CCNB2: variants seen among roughly 807,000 people sequenced by gnomAD.
CCNB2 encodes the protein G2/mitotic-specific cyclin-B2.
A neutral mutation model predicts 51.1 loss-of-function variants in CCNB2; 39 were observed. That is an observed-to-expected ratio of 0.76 (90% CI 0.59 to 1.00). The LOEUF (loss-of-function observed/expected upper bound fraction) is 1.00. Among genes scored for constraint, CCNB2 ranks in the 50% least tolerant of loss-of-function variants. The pLI is 0.00. For synonymous variants in CCNB2, 174 were observed against 165.5 expected, an observed-to-expected ratio of 1.05 and a Z score of -0.40; for missense variants, 472 against 470.3, an observed-to-expected ratio of 1.00 and a Z score of -0.03.
rs11293095 is a variant in CCNB2, at chr15:59,107,302, CTT to C, written c.25-5_25-4del. 0.013 allele frequency: 17,803 copies of C among 1,363,556 alleles called. No individual in the cohort carries two copies. Among genetic ancestry groups the C allele is most frequent in the Admixed American group, 0.027 (1,122 of 41,102 alleles). The allele number at this position is 1,363,556 out of a possible 1,614,324, so 84.5% of individuals were successfully genotyped here. A position where few individuals can be genotyped will look rare whatever the true frequency, so the allele number is the denominator to read the frequency against. On this transcript the variant is annotated intron_variant, in intron 1 of 8. Coordinates refer to ENST00000288207, the MANE Select transcript of CCNB2 (RefSeq NM_004701.4). The stretch of plus-strand genomic sequence containing the variant: ...TTCAAATTCTTTCAAGGTTTCATTA[CTT>C]TTTTTTTTTTTTTTCAGGTGTCCAG...
In CCNB2 at chr15:59,117,364, A is replaced by G. The variant is rs768741504; in HGVS notation, c.971A>G (p.Lys324Arg). 1.7e-5 allele frequency: 27 copies of G among 1,613,050 alleles called. No individual in the cohort carries two copies. Among genetic ancestry groups the G allele is most frequent in the Non-Finnish European group, 2.3e-5 (27 of 1,179,356 alleles). The change falls in exon 7 of 9, where the codon AAA (lysine) becomes AGA (arginine). Residue 324 changes from lysine to arginine, a missense_variant. Coordinates refer to ENST00000288207, the MANE Select transcript of CCNB2 (RefSeq NM_004701.4). ...CLSQKVLGQG[K>R]WNLKQQYYTG... is the part of the protein sequence containing the mutation. ...TCTCAGAAGGTTCTAGGACAAGGAA[A>G]ATGGGTGAGTGGTGGATTTAAGAAG...
rs1315913862 is a variant in CCNB2, at chr15:59,109,659, G to C, written c.267+1989G>C. Among the ~76,000 whole-genome samples, 8 of 152,122 alleles carry C rather than the reference G, an allele frequency of 5.3e-5. No individual in the cohort carries two copies. In the East Asian group the frequency reaches 1.5e-3, roughly 29 times the overall value. On this transcript the variant is annotated intron_variant, in intron 3 of 8. Transcript: ENST00000288207. ...GGTAGTTATTTTTGAATATTATGTT[G>C]GACTTAAGATTGACTTTCATTTTCT...
chr15:59,106,629 T>C (rs1441956840), intron 1 of CCNB2, among the ~76,000 whole-genome samples: 1 of 152,370 alleles, frequency 6.6e-6, no homozygotes, highest in Admixed American at 6.5e-5. Flanking sequence ...TAAGGTCAAC[T>C]GACAATTTTT....
At position 59,107,457 on chromosome 15, in the gene CCNB2, A is replaced by C; in HGVS notation, c.153+7A>C. 6.2e-7 allele frequency: 1 copy of C among 1,614,124 alleles called. No homozygotes were observed. Among genetic ancestry groups the C allele is most frequent in the South Asian group, 1.1e-5 (1 of 91,074 alleles). ...AGCAGCACAAGTAGCTAAGGTAACA[A>C]TGATGAAGACTGAATGTGAATACAG... On this transcript the variant is annotated splice_region_variant and intron_variant, in intron 2 of 8. Coordinates refer to ENST00000288207, the MANE Select transcript of CCNB2 (RefSeq NM_004701.4).
chr15:59,107,135 C>T (rs757985610), intron 1 of CCNB2, among the ~76,000 whole-genome samples, 187 bp from the exon 2 acceptor site: 2 of 152,078 alleles, frequency 1.3e-5, no homozygotes, highest in Non-Finnish European at 2.9e-5. Context: ...GGTGATTTGC[C>T]TAATTTAGAG....
chr15:59,121,273 A>G (rs2079300892), intron 7 of CCNB2: 1 of 152,180 alleles, frequency 6.6e-6, no homozygotes. Flanking sequence ...GGATATATAG[A>G]GGATCATTCT....
chr15:59,123,682 T>C, intron 8 of CCNB2, 55 bp downstream of exon 8: 1 of 883,780 alleles, frequency 1.1e-6, no homozygotes. Flanking sequence ...GGGTTTTGTG[T>C]GTATGTTGGG....
chr15:59,105,149 G>T lies in CCNB2; in HGVS notation c.-120G>T. 2.2e-6 allele frequency: 2 copies of T among 921,464 alleles called. No individual in the cohort carries two copies. The highest frequency in any genetic ancestry group is 3.3e-6 in the Non-Finnish European group (2 of 615,140). The allele number at this position is 921,464 out of a possible 1,614,324, so 57.1% of individuals were successfully genotyped here. A position where few individuals can be genotyped will look rare whatever the true frequency, so the allele number is the denominator to read the frequency against. The stretch of plus-strand genomic sequence containing the variant: ...CCTGGAACAAGGCTACAGCGTCGAA[G>T]ATCCCCAGCGCTGCGGGCTCGGAGA... On this transcript the variant is annotated 5_prime_UTR_variant, in exon 1 of 9. Transcript: ENST00000288207.
chr15:59,120,053 C>T (rs1162351742), intron 7 of CCNB2, among the ~76,000 whole-genome samples: 3 of 152,004 alleles, frequency 2.0e-5, no homozygotes, highest in Non-Finnish European at 2.9e-5. Flanking sequence ...TTAGTCCTCA[C>T]GTAGGAAATA....
chr15:59,114,982 T>A, intron 5 of CCNB2, 106 bp downstream of exon 5: 1 of 1,222,716 alleles, frequency 8.2e-7, no homozygotes, highest in Non-Finnish European at 1.1e-6. Flanking sequence ...AGACCAAAAA[T>A]CAAATTGTGA....
At position 59,105,254 on chromosome 15, in the gene CCNB2, C is replaced by T. The variant is rs1309667846; in HGVS notation, c.-15C>T. 1 of 1,564,486 alleles carries T rather than the reference C, an allele frequency of 6.4e-7. No individual in the cohort carries two copies. Among genetic ancestry groups the T allele is most frequent in the Non-Finnish European group, 8.6e-7 (1 of 1,156,978 alleles). ...TCCCTGGGCCGGGCTGGCACTCTTG[C>T]CTTCCCCGTCCCTCATGGCGCTGCT... is the stretch of plus-strand genomic sequence containing the variant. On this transcript the variant is annotated 5_prime_UTR_variant, in exon 1 of 9. Transcript: ENST00000288207.
chr15:59,109,762 G>A (rs902163660), intron 3 of CCNB2, among the ~76,000 whole-genome samples: 26 of 152,266 alleles, frequency 1.7e-4, no homozygotes, highest in Admixed American at 6.5e-4. Context: ...CGAGGCGGGC[G>A]GATCGCGAGG....
At chr15:59,112,351 C>CT (rs71425842) in intron 3 of CCNB2, among the ~76,000 whole-genome samples, 47,943 of 147,828 alleles carry the variant, frequency 0.32, 7,662 homozygotes, top group East Asian at 0.42. Flanking sequence ...TTAAAATTGT[C>CT]TTTTTTTTTT....
intron 3 of CCNB2, 70 bp from the exon 4 acceptor site, chr15:59,114,374 T>C: frequency 8.4e-7 from 1 of 1,193,054 alleles, no homozygotes; most frequent in Non-Finnish European, 1.2e-6. Flanking sequence ...TATTGATATT[T>C]AAGCCAGTTG....
chr15:59,107,910 G>A (rs565567767), intron 3 of CCNB2, among the ~76,000 whole-genome samples: 13 of 152,270 alleles, frequency 8.5e-5, no homozygotes, highest in African/African-American at 2.9e-4. Context: ...GAGGCAGGAG[G>A]ATCGCCTGAG....
In CCNB2 at chr15:59,105,292, G is replaced by T; in HGVS notation, c.24G>T (p.Thr8=). Residue 8 remains threonine, a splice_region_variant and synonymous_variant, in exon 1 of 9, where the codon ACG becomes ACT. Coordinates refer to ENST00000288207, the MANE Select transcript of CCNB2 (RefSeq NM_004701.4). ...TCATGGCGCTGCTCCGACGCCCGAC[G>T]GTGAGTGTGCCCGGGGACCGCTCTC... is the stretch of plus-strand genomic sequence containing the variant. The part of the protein sequence containing the change: MALLRRP[T]VSSDLENIDT... 6.4e-7 allele frequency: 1 copy of T among 1,563,370 alleles called. No homozygotes were observed.
rs1416341091 is a variant in CCNB2 at position 59,124,759 on chromosome 15, T to A, written c.1087-8T>A. The A allele has an allele frequency of 2.5e-6, 4 of 1,604,566 alleles. No individual in the cohort carries two copies. The highest frequency in any genetic ancestry group is 8.5e-7 in the Non-Finnish European group (1 of 1,171,460). ...TGACATGTGCTTAATCACAAATGAC[T>A]TCTGCAGGCCATCAAGAATAAGTAT... On this transcript the variant is annotated splice_region_variant and splice_polypyrimidine_tract_variant and intron_variant, in intron 8 of 8. Transcript: ENST00000288207.
intron 4 of CCNB2, 23 bp downstream of exon 4, chr15:59,114,637 G>A: frequency 1.3e-6 from 2 of 1,586,434 alleles, no homozygotes; most frequent in Non-Finnish European, 1.7e-6. Flanking sequence ...TTGTGTTTTG[G>A]TTGTATAAGC....
intron 7 of CCNB2, among the ~76,000 whole-genome samples, chr15:59,123,227 T>TA (rs2079310747): frequency 6.6e-6 from 1 of 152,226 alleles, no homozygotes; most frequent in Non-Finnish European, 1.5e-5. Flanking sequence ...TCAGTGTTGT[T>TA]ACTTGAAGGA....
Sources: allele counts gnomAD v4.1 joint callset (sites outside exome capture counted in the v4.1 genomes callset), GRCh38; gene constraint gnomAD v4.1.1; transcripts MANE v1.5; gene names NCBI Gene and HGNC (gene_info 2026-07-23, HGNC 2026-07-21).